DLG2: variants seen among roughly 807,000 people sequenced by gnomAD.
DLG2 encodes discs large MAGUK scaffold protein 2.
A neutral mutation model predicts 132.5 loss-of-function variants in DLG2; 45 were observed. That is an observed-to-expected ratio of 0.34 (90% confidence interval 0.27 to 0.44). The LOEUF (loss-of-function observed/expected upper bound fraction) is 0.44. DLG2 is among the 20% of genes least tolerant of loss of function. DLG2 has a pLI of 1.00. For synonymous variants in DLG2, 424 were observed against 419.6 expected (o/e 1.01, Z -0.13); for missense variants, 1,045 against 1,196.9 (o/e 0.87, Z 1.87).
intron 7 of DLG2, among the ~76,000 whole-genome samples, chr11:84,275,764 G>A (rs976128709): frequency 2.6e-5 from 4 of 152,168 alleles, no homozygotes; most frequent in Non-Finnish European, 5.9e-5. Context: ...TAACAAAAAG[G>A]CAAATTTAAA....
At chr11:85,060,731 T>G (rs1257660492) in intron 6 of DLG2, among the ~76,000 whole-genome samples, 1 of 151,680 alleles carries the variant, frequency 6.6e-6, no homozygotes, top group African/African-American at 2.4e-5. Context: ...AAAATTAAAT[T>G]TTTTATTTTT....
intron 6 of DLG2, among the ~76,000 whole-genome samples, chr11:84,990,966 A>G (rs2057029775): frequency 1.3e-5 from 2 of 152,170 alleles, no homozygotes; most frequent in African/African-American, 2.4e-5. Flanking sequence ...ACTAGAAACA[A>G]CCCAGATGTT....
Position 83,456,928 on chromosome 11 carries a change from C to T in DLG2, c.*2890G>A, listed in dbSNP as rs1175645255. On this transcript the variant is annotated 3_prime_UTR_variant, in exon 28 of 28. Transcript: ENST00000376104. Reference sequence around the variant, plus strand: ...ATAGCCAAGAAATCCCGCAAAAGGCCTGCAAATAAATGGCCGACAATTCTG... The same window carrying T: ...ATAGCCAAGAAATCCCGCAAAAGGCTTGCAAATAAATGGCCGACAATTCTG... 4.6e-5 allele frequency: 7 copies of T among 152,610 alleles called. No homozygotes were observed. The highest frequency in any genetic ancestry group is 1.7e-4 in the African/African-American group (7 of 41,442). 9.5% of individuals were successfully genotyped at this position (152,610 alleles called of 1,614,324 possible).
chr11:83,780,044 C>G (rs1399221820), intron 18 of DLG2, among the ~76,000 whole-genome samples: 1 of 152,144 alleles, frequency 6.6e-6, no homozygotes. Flanking sequence ...CACAGCTGGA[C>G]TTTAAAAATC....
chr11:85,162,219 G>A (rs1236029785), intron 4 of DLG2, among the ~76,000 whole-genome samples: 1 of 152,158 alleles, frequency 6.6e-6, no homozygotes, highest in African/African-American at 2.4e-5. Flanking sequence ...GGAAGTGTGT[G>A]CGTGGAATAC....
chr11:84,324,312 C>A (rs2098420149), intron 7 of DLG2, among the ~76,000 whole-genome samples: 1 of 152,048 alleles, frequency 6.6e-6, no homozygotes, highest in African/African-American at 2.4e-5. Context: ...AGAGACTCTT[C>A]TTTCCCCATG....
At chr11:84,634,408 T>A (rs1190881083) in intron 6 of DLG2, among the ~76,000 whole-genome samples, 1 of 152,250 alleles carries the variant, frequency 6.6e-6, no homozygotes. Context: ...TAGTGGACTG[T>A]AACTTAACTG....
chr11:83,627,367 C>T (rs2062746513), intron 19 of DLG2, among the ~76,000 whole-genome samples: 1 of 151,786 alleles, frequency 6.6e-6, no homozygotes, highest in South Asian at 2.1e-4. Context: ...TCTTCCCCCA[C>T]CCCACCCCAC....
intron 18 of DLG2, among the ~76,000 whole-genome samples, chr11:83,708,049 T>C (rs771907488): frequency 4.6e-5 from 7 of 152,176 alleles, no homozygotes; most frequent in Non-Finnish European, 8.8e-5. Context: ...CATCATGAGG[T>C]TGTGGTGATT....
chr11:83,695,581 A>C (rs2081760290), intron 18 of DLG2, among the ~76,000 whole-genome samples: 1 of 152,154 alleles, frequency 6.6e-6, no homozygotes, highest in Admixed American at 6.5e-5. Flanking sequence ...TCTACTAAAA[A>C]TACCAAAATT....
chr11:84,307,201 C>A (rs1320210550), intron 7 of DLG2, among the ~76,000 whole-genome samples: 1 of 152,140 alleles, frequency 6.6e-6, no homozygotes, highest in Non-Finnish European at 1.5e-5. Context: ...TTTGCAGCAA[C>A]ATAGATGCAG....
chr11:85,351,341 T>C (rs2083272077), intron 3 of DLG2, among the ~76,000 whole-genome samples: 1 of 152,204 alleles, frequency 6.6e-6, no homozygotes, highest in Non-Finnish European at 1.5e-5. Flanking sequence ...AAATATACAA[T>C]CATGTCAACT....
intron 3 of DLG2, among the ~76,000 whole-genome samples, chr11:85,304,060 G>A (rs1237234681): frequency 1.3e-5 from 2 of 152,006 alleles, no homozygotes; most frequent in African/African-American, 2.4e-5. Context: ...AAATACATAA[G>A]GCTAAAAGTA....
intron 6 of DLG2, among the ~76,000 whole-genome samples, chr11:84,899,362 T>C (rs888166440): frequency 6.6e-6 from 1 of 152,038 alleles, no homozygotes; most frequent in Non-Finnish European, 1.5e-5. Context: ...ACTGCCACAA[T>C]TATTTCAACA....
intron 9 of DLG2, among the ~76,000 whole-genome samples, chr11:84,116,305 A>G (rs1167051964): frequency 2.0e-5 from 3 of 152,258 alleles, no homozygotes; most frequent in Non-Finnish European, 4.4e-5. Context: ...AAGGTACTCA[A>G]TAAAAAGGAT....
intron 3 of DLG2, among the ~76,000 whole-genome samples, chr11:85,300,845 G>A (rs2079542590): frequency 6.6e-6 from 1 of 152,078 alleles, no homozygotes; most frequent in Non-Finnish European, 1.5e-5. Context: ...GGACAGGGAA[G>A]TGGAAGAGAT....
chr11:83,753,842 A>G (rs1435155088), intron 18 of DLG2, among the ~76,000 whole-genome samples: 212 of 11,758 alleles, frequency 0.018, 32 homozygotes, highest in African/African-American at 0.13. Context: ...TATGATATAT[A>G]TCATATATAT....
intron 18 of DLG2, among the ~76,000 whole-genome samples, chr11:83,725,772 A>G (rs2089882451): frequency 6.6e-6 from 1 of 152,222 alleles, no homozygotes; most frequent in Non-Finnish European, 1.5e-5. Flanking sequence ...TGTGCTATAT[A>G]TGCATTTGAA....
chr11:83,952,756 G>A (rs545717426), intron 14 of DLG2, among the ~76,000 whole-genome samples: 6 of 151,942 alleles, frequency 3.9e-5, no homozygotes, highest in African/African-American at 1.4e-4. Flanking sequence ...TACAGACATG[G>A]AAAAAACTCA....
Sources: gnomAD v4.1 joint callset for allele counts (sites outside exome capture counted in the v4.1 genomes callset) on GRCh38, gnomAD v4.1.1 for gene constraint, MANE v1.5 for transcripts, NCBI Gene and HGNC (gene_info 2026-07-23, HGNC 2026-07-21) for gene names.